Variants in SPRR2G observed in about 807,000 individuals in gnomAD.
SPRR2G encodes the protein small proline-rich protein 2G.
SPRR2G carries 1 observed loss-of-function variant against 0.7 expected under a neutral mutation model. The observed-to-expected ratio is 1.49, with a 90% CI of 0.53 to 7.06. The LOEUF is 7.06. SPRR2G is among the 30% of genes most tolerant of loss of function. The pLI, the probability that SPRR2G is intolerant of heterozygous loss-of-function variation, is 0.14. For synonymous variants in SPRR2G, 38 were observed against 33.9 expected (o/e 1.12, Z -0.42); for missense variants, 96 against 88.5 (o/e 1.09, Z -0.34).
chr1:153,150,215 T>C, intron 1 of SPRR2G, 84 bp from the exon 2 acceptor site: 1 of 1,554,930 alleles, frequency 6.4e-7, no homozygotes. Flanking sequence ...ATCTCCAGTA[T>C]CTAGGGACCA....
At chr1:153,195,373 A>G in the SPRR2G span, among the ~76,000 whole-genome samples, 2 of 152,222 alleles carry the variant, frequency 1.3e-5, no homozygotes, top group African/African-American at 4.8e-5. Context: ...AGGATTGGAC[A>G]CGTGGGCCAT....
chr1:153,164,817 A>C, the SPRR2G span, among the ~76,000 whole-genome samples: 12 of 152,294 alleles, frequency 7.9e-5, no homozygotes, highest in Admixed American at 7.2e-4. Context: ...TTGAATCCAC[A>C]AATGTGGAAC....
At chr1:153,170,247 C>T in the SPRR2G span, among the ~76,000 whole-genome samples, 7 of 151,906 alleles carry the variant, frequency 4.6e-5, no homozygotes, top group Non-Finnish European at 4.4e-5. Context: ...AGAGTTTAAC[C>T]GAAGTTGTTA....
chr1:153,188,801 G>A, the SPRR2G span, among the ~76,000 whole-genome samples: 2 of 152,180 alleles, frequency 1.3e-5, no homozygotes, highest in East Asian at 1.9e-4. Flanking sequence ...GACCCTCATG[G>A]TGTAGGCACA....
the SPRR2G span, among the ~76,000 whole-genome samples, chr1:153,163,227 A>G: frequency 6.6e-6 from 1 of 152,220 alleles, no homozygotes; most frequent in Non-Finnish European, 1.5e-5. Context: ...AGAACTGTGC[A>G]TGGATTGTGT....
chr1:153,169,464 A>G, the SPRR2G span, among the ~76,000 whole-genome samples: 788 of 151,862 alleles, frequency 5.2e-3, 10 homozygotes, highest in Middle Eastern at 0.02. Context: ...CACTCGGGAG[A>G]CTGAGGCAAG....
chr1:153,181,053 C>T, the SPRR2G span, among the ~76,000 whole-genome samples: 603 of 152,012 alleles, frequency 4.0e-3, 8 homozygotes, highest in African/African-American at 0.013. Flanking sequence ...ATATTACATA[C>T]AGCTTCTCCA....
At chr1:153,167,126 T>C in the SPRR2G span, among the ~76,000 whole-genome samples, 3 of 152,248 alleles carry the variant, frequency 2.0e-5, no homozygotes, top group African/African-American at 4.8e-5. Flanking sequence ...TGGCATGCCA[T>C]ACTGCAGTTA....
the SPRR2G span, among the ~76,000 whole-genome samples, chr1:153,172,566 A>G: frequency 1.8e-3 from 272 of 152,222 alleles, no homozygotes; most frequent in African/African-American, 6.2e-3. Flanking sequence ...ACCCTTCCTC[A>G]GGAGATGGAA....
upstream of SPRR2G, among the ~76,000 whole-genome samples, chr1:153,155,814 G>A (rs974235581): frequency 6.6e-6 from 1 of 152,050 alleles, no homozygotes; most frequent in Non-Finnish European, 1.5e-5. Flanking sequence ...TTGTTTTACC[G>A]GGTTAATGTC....
chr1:153,182,538 T>G, the SPRR2G span, among the ~76,000 whole-genome samples: 1 of 152,194 alleles, frequency 6.6e-6, no homozygotes, highest in South Asian at 2.1e-4. Flanking sequence ...CTCCCTCCCC[T>G]TGTATTCCAC....
chr1:153,187,894 T>G, the SPRR2G span, among the ~76,000 whole-genome samples: 1 of 152,066 alleles, frequency 6.6e-6, no homozygotes, highest in Non-Finnish European at 1.5e-5. Context: ...TTTGAGTGGG[T>G]GTCCTTTTTG....
the SPRR2G span, among the ~76,000 whole-genome samples, chr1:153,197,368 G>T: frequency 2.0e-5 from 3 of 151,996 alleles, no homozygotes; most frequent in African/African-American, 7.3e-5. Flanking sequence ...CTGCCTCCTG[G>T]AATCTCTGGG....
chr1:153,186,754 G>C, the SPRR2G span, among the ~76,000 whole-genome samples: 1 of 152,212 alleles, frequency 6.6e-6, no homozygotes, highest in African/African-American at 2.4e-5. Context: ...ATGCTAGCTG[G>C]TTATTTTACA....
chr1:153,174,090 T>A, the SPRR2G span, among the ~76,000 whole-genome samples: 1 of 152,202 alleles, frequency 6.6e-6, no homozygotes, highest in Non-Finnish European at 1.5e-5. Context: ...TGTTGACAAA[T>A]GTTTGGCATA....
At chr1:153,189,251 A>G in the SPRR2G span, among the ~76,000 whole-genome samples, 1 of 152,142 alleles carries the variant, frequency 6.6e-6, no homozygotes, top group Admixed American at 6.5e-5. Context: ...TTAGTGTAAC[A>G]TATGCTTAAA....
At chr1:153,151,729 C>T (rs1656471886), upstream of SPRR2G, among the ~76,000 whole-genome samples, 1 of 152,216 alleles carries the variant, frequency 6.6e-6, no homozygotes, top group African/African-American at 2.4e-5. Flanking sequence ...TTCACAATTT[C>T]TCTCTTTTGA....
chr1:153,158,757 C>T, the SPRR2G span, among the ~76,000 whole-genome samples: 1 of 152,240 alleles, frequency 6.6e-6, no homozygotes, highest in Non-Finnish European at 1.5e-5. Flanking sequence ...GACACTCAGG[C>T]ATTTCCATAC....
At chr1:153,177,389 T>C in the SPRR2G span, among the ~76,000 whole-genome samples, 1 of 152,338 alleles carries the variant, frequency 6.6e-6, no homozygotes, top group South Asian at 2.1e-4. Context: ...GGTCATAGCA[T>C]GGTTGTATGT....
Sources: allele counts gnomAD v4.1 joint callset (sites outside exome capture counted in the v4.1 genomes callset), GRCh38; gene constraint gnomAD v4.1.1; transcripts MANE v1.5; gene names NCBI Gene and HGNC (gene_info 2026-07-23, HGNC 2026-07-21).